The following DOK5 variants were observed in gnomAD, a reference collection of about 807,000 sequenced individuals.
DOK5 encodes docking protein 5.
A neutral mutation model predicts 43.3 loss-of-function variants in DOK5; 27 were observed. The ratio of observed to expected loss-of-function variants is 0.62; its 90% CI spans 0.46 to 0.86. The LOEUF is 0.86. Among genes scored for constraint, DOK5 ranks in the 40% least tolerant of loss-of-function variants. DOK5 has a pLI of 0.00. For synonymous variants in DOK5, 146 were observed against 140.1 expected (o/e 1.04, Z -0.30); for missense variants, 373 against 392.9 (o/e 0.95, Z 0.43).
intron 5 of DOK5, among the ~76,000 whole-genome samples, chr20:54,601,531 T>G (rs545242551): frequency 6.6e-6 from 1 of 152,234 alleles, no homozygotes; most frequent in Non-Finnish European, 1.5e-5. Context: ...GATAATTAAT[T>G]TATTCTTCTG....
At chr20:54,585,166 TTGTG>T (rs142691717) in intron 2 of DOK5, among the ~76,000 whole-genome samples, 1 of 151,452 alleles carries the variant, frequency 6.6e-6, no homozygotes, top group African/African-American at 2.4e-5. Context: ...TGTGTGTGTG[TTGTG>T]TGTGTGTGTG....
intron 1 of DOK5, among the ~76,000 whole-genome samples, chr20:54,481,002 C>CTATCT: frequency 2.9e-5 from 1 of 34,524 alleles, no homozygotes; most frequent in African/African-American, 6.8e-5. Flanking sequence ...ATCTATCTAT[C>CTATCT]ATCTATCATC....
intron 6 of DOK5, among the ~76,000 whole-genome samples, chr20:54,613,224 C>CTCTCTCTCTCTCTCGCCA (rs540531637): frequency 2.7e-5 from 4 of 146,172 alleles, no homozygotes; most frequent in South Asian, 2.1e-4. Context: ...CTCTCGTCAC[C>CTCTCTCTCTCTCTCGCCA]TCTCTCTCTC....
At chr20:54,514,440 T>G (rs1007261559) in intron 1 of DOK5, among the ~76,000 whole-genome samples, 2 of 152,094 alleles carry the variant, frequency 1.3e-5, no homozygotes, top group African/African-American at 4.8e-5. Flanking sequence ...CTTGCTAACT[T>G]TGGTTCAGGT....
At chr20:54,641,718 T>C (rs1374508547) in intron 6 of DOK5, among the ~76,000 whole-genome samples, 1 of 152,176 alleles carries the variant, frequency 6.6e-6, no homozygotes, top group Non-Finnish European at 1.5e-5. Context: ...AAAATGACAT[T>C]GCACTAGGTC....
At chr20:54,485,277 T>A (rs1338187420) in intron 1 of DOK5, among the ~76,000 whole-genome samples, 1 of 148,860 alleles carries the variant, frequency 6.7e-6, no homozygotes, top group Non-Finnish European at 1.5e-5. Context: ...GAGGTTGCAG[T>A]GAGCGGCGGA....
intron 2 of DOK5, among the ~76,000 whole-genome samples, chr20:54,586,601 G>A (rs966941157): frequency 8.5e-5 from 13 of 152,174 alleles, no homozygotes; most frequent in Admixed American, 5.2e-4. Flanking sequence ...TCACTTTTCA[G>A]GCAAGATGGG....
At chr20:54,630,740 G>A (rs759609025) in intron 6 of DOK5, among the ~76,000 whole-genome samples, 7 of 152,172 alleles carry the variant, frequency 4.6e-5, no homozygotes, top group Non-Finnish European at 8.8e-5. Flanking sequence ...GTGAAGGTAA[G>A]ACTTCTCTGT....
intron 2 of DOK5, among the ~76,000 whole-genome samples, chr20:54,584,001 T>A (rs1460833348): frequency 2.7e-5 from 4 of 149,910 alleles, no homozygotes; most frequent in Admixed American, 1.3e-4. Context: ...AAAAAAAAAA[T>A]TAGTCGAGCA....
intron 1 of DOK5, among the ~76,000 whole-genome samples, chr20:54,501,283 C>A (rs527644460): frequency 6.6e-6 from 1 of 151,480 alleles, no homozygotes; most frequent in Non-Finnish European, 1.5e-5. Flanking sequence ...CTGGCTAACA[C>A]GATGAAACCC....
At chr20:54,480,928 TCATCTATC>T (rs1981648028) in intron 1 of DOK5, among the ~76,000 whole-genome samples, 1,617 of 126,644 alleles carry the variant, frequency 0.013, 59 homozygotes, top group African/African-American at 0.032. Context: ...TATCTATCAA[TCATCTATC>T]ATCTATCTAT....
At chr20:54,530,777 A>C (rs1983744387) in intron 1 of DOK5, among the ~76,000 whole-genome samples, 2 of 152,134 alleles carry the variant, frequency 1.3e-5, no homozygotes, top group African/African-American at 4.8e-5. Flanking sequence ...TGATTTTTTA[A>C]GACAGCCTTT....
chr20:54,559,295 G>A (rs550380787), intron 2 of DOK5, among the ~76,000 whole-genome samples: 21 of 152,298 alleles, frequency 1.4e-4, no homozygotes, highest in African/African-American at 4.3e-4. Flanking sequence ...GAAGTATGCC[G>A]GTCCTGGATT....
At chr20:54,603,619 A>G (rs964243883) in intron 5 of DOK5, among the ~76,000 whole-genome samples, 2 of 152,220 alleles carry the variant, frequency 1.3e-5, no homozygotes, top group Non-Finnish European at 2.9e-5. Context: ...ACTGCAGGGT[A>G]CTACTGGCAT....
intron 1 of DOK5, among the ~76,000 whole-genome samples, chr20:54,546,547 C>T (rs375410741): frequency 6.6e-6 from 1 of 150,870 alleles, no homozygotes; most frequent in South Asian, 2.1e-4. Flanking sequence ...ATCCCTCCCC[C>T]CTCCCCTGAC....
chr20:54,566,151 T>C (rs1317172475), intron 2 of DOK5, among the ~76,000 whole-genome samples: 1 of 151,928 alleles, frequency 6.6e-6, no homozygotes, highest in African/African-American at 2.4e-5. Context: ...TCTACAGTTT[T>C]TTTTTTCTTT....
chr20:54,609,948 G>T (rs1186464919), intron 5 of DOK5, among the ~76,000 whole-genome samples: 1 of 152,214 alleles, frequency 6.6e-6, no homozygotes, highest in African/African-American at 2.4e-5. Flanking sequence ...GGGAAAGCGA[G>T]AACAGAATCT....
chr20:54,611,746 G>T (rs1016777114), intron 6 of DOK5, among the ~76,000 whole-genome samples: 1 of 152,160 alleles, frequency 6.6e-6, no homozygotes, highest in Non-Finnish European at 1.5e-5. Context: ...AAGGAATTGC[G>T]TTGGCAAGAT....
chr20:54,640,045 C>T (rs574651118), intron 6 of DOK5, among the ~76,000 whole-genome samples: 2 of 152,270 alleles, frequency 1.3e-5, no homozygotes, highest in South Asian at 2.1e-4. Flanking sequence ...TCAGGACACA[C>T]TCACCCATAC....
Sources: gnomAD v4.1 joint callset for allele counts (sites outside exome capture counted in the v4.1 genomes callset) on GRCh38, gnomAD v4.1.1 for gene constraint, MANE v1.5 for transcripts, NCBI Gene and HGNC (gene_info 2026-07-23, HGNC 2026-07-21) for gene names.